The following SLC9A9 variants were observed in gnomAD, a reference collection of about 807,000 sequenced individuals.
SLC9A9 encodes sodium/hydrogen exchanger 9.
In SLC9A9, 62 loss-of-function variants were observed where a neutral mutation model predicts 77.8. The ratio of observed to expected loss-of-function variants is 0.80; its 90% confidence interval spans 0.65 to 0.98. SLC9A9 has a LOEUF of 0.98. Ranked by LOEUF, SLC9A9 falls within the 50% of genes least tolerant of loss-of-function variation. SLC9A9 has a pLI of 0.00. For missense variants in SLC9A9, 775 were observed against 774.9 expected, an observed-to-expected ratio of 1.00 and a Z score of 0.00; for synonymous variants, 320 against 283.5, an observed-to-expected ratio of 1.13 and a Z score of -1.29.
chr3:143,670,691 C>T (rs2121777), intron 5 of SLC9A9, among the ~76,000 whole-genome samples: 10,980 of 152,196 alleles, frequency 0.072, 397 homozygotes, highest in East Asian at 0.12. Flanking sequence ...CCAGGTGGTA[C>T]TCTGTGTTTA....
At chr3:143,359,533 G>A (rs1559882036) in intron 14 of SLC9A9, among the ~76,000 whole-genome samples, 1 of 152,196 alleles carries the variant, frequency 6.6e-6, no homozygotes, top group Non-Finnish European at 1.5e-5. Context: ...CAGTGCAAGG[G>A]CCTGGGTGCA....
intron 4 of SLC9A9, among the ~76,000 whole-genome samples, chr3:143,770,980 A>G (rs1447836066): frequency 6.6e-6 from 1 of 152,204 alleles, no homozygotes; most frequent in African/African-American, 2.4e-5. Flanking sequence ...CCTATGTAAC[A>G]AACATGCACA....
At chr3:143,645,145 A>T (rs78581362) in intron 6 of SLC9A9, among the ~76,000 whole-genome samples, 4 of 152,210 alleles carry the variant, frequency 2.6e-5, no homozygotes, top group Non-Finnish European at 5.9e-5. Context: ...ACGTCTCCCC[A>T]TCTGCTTCTG....
intron 13 of SLC9A9, among the ~76,000 whole-genome samples, chr3:143,379,050 A>ATC (rs2033242792): frequency 6.6e-6 from 1 of 151,226 alleles, no homozygotes; most frequent in African/African-American, 2.4e-5. Context: ...ATATATATAT[A>ATC]GTTTATTCTT....
At chr3:143,584,259 G>C (rs371195242) in intron 6 of SLC9A9, among the ~76,000 whole-genome samples, 1 of 151,860 alleles carries the variant, frequency 6.6e-6, no homozygotes, top group African/African-American at 2.4e-5. Flanking sequence ...ACACTTTGCC[G>C]CACAGTTACC....
At chr3:143,436,938 C>T (rs2108541108) in intron 12 of SLC9A9, among the ~76,000 whole-genome samples, 1 of 152,324 alleles carries the variant, frequency 6.6e-6, no homozygotes, top group Non-Finnish European at 1.5e-5. Context: ...AAGGCCTTCC[C>T]TCACTCCCTG....
chr3:143,503,798 G>A, intron 9 of SLC9A9: 1 of 339,252 alleles, frequency 2.9e-6, no homozygotes, highest in South Asian at 2.3e-5. Flanking sequence ...CCTTGGCTGG[G>A]AGGCTAAGCA....
intron 8 of SLC9A9, among the ~76,000 whole-genome samples, chr3:143,561,754 T>C (rs2037089214): frequency 6.6e-6 from 1 of 152,164 alleles, no homozygotes; most frequent in Non-Finnish European, 1.5e-5. Context: ...TACTCTTAAG[T>C]AAACATAAGG....
intron 9 of SLC9A9, among the ~76,000 whole-genome samples, chr3:143,546,196 A>T (rs2036786163): frequency 6.6e-6 from 1 of 152,242 alleles, no homozygotes. Context: ...CATGCACAGA[A>T]CATATAATTT....
chr3:143,517,074 CT>C (rs776755743), intron 9 of SLC9A9: 81,853 of 795,054 alleles, frequency 0.1, 312 homozygotes, highest in South Asian at 0.13. Context: ...ATTTCTTTAA[CT>C]TTTTTTTTTT....
At chr3:143,350,663 C>A (rs1265854076) in intron 14 of SLC9A9, among the ~76,000 whole-genome samples, 3 of 152,138 alleles carry the variant, frequency 2.0e-5, no homozygotes, top group East Asian at 3.9e-4. Context: ...TCACCTTTTT[C>A]CATTTGAAAT....
chr3:143,324,599 A>G (rs1431011017), intron 14 of SLC9A9, among the ~76,000 whole-genome samples: 1 of 152,180 alleles, frequency 6.6e-6, no homozygotes, highest in Non-Finnish European at 1.5e-5. Context: ...AGGTGGGCAG[A>G]TCGTTTGAGC....
chr3:143,625,994 A>T (rs1250264231), intron 6 of SLC9A9, among the ~76,000 whole-genome samples: 1 of 152,248 alleles, frequency 6.6e-6, no homozygotes, highest in Non-Finnish European at 1.5e-5. Context: ...ACATTTATGC[A>T]GCCAAAAGAC....
chr3:143,469,326 C>T (rs994277957), intron 11 of SLC9A9, among the ~76,000 whole-genome samples: 6 of 152,114 alleles, frequency 3.9e-5, no homozygotes, highest in Non-Finnish European at 7.4e-5. Flanking sequence ...ACACGACATG[C>T]AAGACATTTA....
chr3:143,847,876 C>T (rs1198833993), intron 1 of SLC9A9: 4 of 505,756 alleles, frequency 7.9e-6, no homozygotes, highest in Non-Finnish European at 1.4e-5. Flanking sequence ...GCCCTCGACT[C>T]CCCACATGAC....
chr3:143,580,800 G>A (rs1013576842), intron 6 of SLC9A9, among the ~76,000 whole-genome samples: 3 of 152,160 alleles, frequency 2.0e-5, no homozygotes, highest in African/African-American at 7.2e-5. Flanking sequence ...TAACTGAAGG[G>A]AAAGGCTTAA....
chr3:143,282,787 AT>A (rs1208332886), intron 14 of SLC9A9, among the ~76,000 whole-genome samples: 1 of 152,234 alleles, frequency 6.6e-6, no homozygotes, highest in Non-Finnish European at 1.5e-5. Flanking sequence ...AGATTGTCTA[AT>A]ACCAGACTTC....
intron 3 of SLC9A9, 22 bp from the exon 4 acceptor site, chr3:143,795,099 T>C: frequency 1.9e-6 from 3 of 1,592,126 alleles, no homozygotes; most frequent in Non-Finnish European, 2.6e-6. Flanking sequence ...AAAAGATATT[T>C]AATAGAGTAC....
intron 3 of SLC9A9, among the ~76,000 whole-genome samples, chr3:143,795,818 G>A (rs2008370394): frequency 6.6e-6 from 1 of 152,176 alleles, no homozygotes; most frequent in Non-Finnish European, 1.5e-5. Context: ...TATTGGGACT[G>A]GCAATGAGGA....
Sources: allele counts gnomAD v4.1 joint callset (sites outside exome capture counted in the v4.1 genomes callset), GRCh38; gene constraint gnomAD v4.1.1; transcripts MANE v1.5; gene names NCBI Gene and HGNC (gene_info 2026-07-23, HGNC 2026-07-21).